The following MCM4 variants were observed in gnomAD, a reference collection of about 807,000 sequenced individuals.
MCM4 encodes the protein DNA replication licensing factor MCM4.
In MCM4, 60 loss-of-function variants were observed where a neutral mutation model predicts 88.7. The ratio of observed to expected loss-of-function variants is 0.68; its 90% confidence interval spans 0.55 to 0.84. The LOEUF is 0.84. Ranked by LOEUF, MCM4 falls within the 40% of genes least tolerant of loss-of-function variation. The pLI, the probability that MCM4 is intolerant of heterozygous loss-of-function variation, is 0.00. For synonymous variants in MCM4, 465 were observed against 410.5 expected, an observed-to-expected ratio of 1.13 and a Z score of -1.61; for missense variants, 1,149 against 1,105.5, an observed-to-expected ratio of 1.04 and a Z score of -0.56.
chr8:47,965,215 A>C (rs1285584103), intron 8 of MCM4, among the ~76,000 whole-genome samples: 2 of 140,650 alleles, frequency 1.4e-5, no homozygotes, highest in Non-Finnish European at 3.1e-5. Flanking sequence ...ACCCTGTCTC[A>C]AAAAAAAAAA....
rs891200556 is a variant in MCM4, at chr8:47,970,522, T to C, written c.1446T>C (p.Leu482=). The change falls in exon 12 of 17, where the codon CTT becomes CTC. Residue 482 remains leucine, a synonymous_variant. Coordinates refer to ENST00000649973, the MANE Select transcript of MCM4 (RefSeq NM_182746.3). ...EHEDIKKGIL[L]QLFGGTRKDF... is the part of the protein sequence containing the mutation. Reference sequence around the variant, plus strand: ...CTCTGATTATTTAGGGAATTTTGCTTCAGCTCTTTGGCGGGACAAGGAAGG... The same window carrying C: ...CTCTGATTATTTAGGGAATTTTGCTCCAGCTCTTTGGCGGGACAAGGAAGG... 6 of 1,598,022 alleles carry C rather than the reference T, an allele frequency of 3.8e-6. No individual in the cohort carries two copies. The African/African-American group carries it at 8.0e-5, about 21-fold the overall frequency.
At position 47,974,875 on chromosome 8, in the gene MCM4, G is replaced by A; in HGVS notation, c.2278G>A (p.Glu760Lys). ...CAAAGTTGAAGCCATTGATGTGGAA[G>A]AGGCCAAACGCCTCCATCGGGAAGC... ...SNKVEAIDVEEAKRLHREALK... is the reference protein window; with the variant it reads ...SNKVEAIDVEKAKRLHREALK... The change falls in exon 15 of 17, where the codon GAG (glutamate) becomes AAG (lysine). Residue 760 changes from glutamate to lysine, a missense_variant. This residue lies in a region of MCM4 where 238 missense variants were observed against 241.6 expected (regional missense o/e 0.99). Transcript: ENST00000649973. 6.2e-7 allele frequency: 1 copy of A among 1,614,242 alleles called. No homozygotes were observed. Among genetic ancestry groups the A allele is most frequent in the Non-Finnish European group, 8.5e-7 (1 of 1,180,044 alleles).
intron 16 of MCM4, among the ~76,000 whole-genome samples, chr8:47,976,292 C>CAA (rs554025887): frequency 7.4e-4 from 85 of 115,358 alleles, no homozygotes; most frequent in African/African-American, 1.1e-3. Flanking sequence ...AACTCCATCT[C>CAA]AAAAAAAAAA....
rs955451487 is a variant in MCM4, at chr8:47,964,772, C to G, written c.832+60C>G. On this transcript the variant is annotated intron_variant, in intron 8 of 16. Transcript: ENST00000649973. Reference sequence around the variant, plus strand: ...GGAAAATGCCTTACATGAAAATAGCCTTGTTTTCATTGAGAAATTATGAAA... The same window carrying G: ...GGAAAATGCCTTACATGAAAATAGCGTTGTTTTCATTGAGAAATTATGAAA... 38 of 1,376,542 alleles carry G rather than the reference C, an allele frequency of 2.8e-5. No homozygotes were observed. In the African/African-American group the frequency reaches 4.8e-4, roughly 17 times the overall value. 85.3% of individuals were successfully genotyped at this position (1,376,542 alleles called of 1,614,324 possible).
At chr8:47,968,149 T>C (rs1213080372) in intron 10 of MCM4, among the ~76,000 whole-genome samples, 2 of 152,094 alleles carry the variant, frequency 1.3e-5, no homozygotes, top group Non-Finnish European at 2.9e-5. Context: ...TGGATTTTGG[T>C]TGGGGGCAAG....
chr8:47,961,156 G>T lies in MCM4; in HGVS notation c.12G>T (p.Pro4=), dbSNP rs1293460399. Residue 4 remains proline (P), a synonymous_variant, in exon 2 of 17, where the codon CCG becomes CCT. Transcript: ENST00000649973. The part of the protein sequence containing the change: MSS[P]ASTPSRRGSR... ...GTACTCCGAGCACTATGTCGTCCCC[G>T]GCGTCGACCCCGAGCCGCCGCGGCA... 6.4e-7 allele frequency: 1 copy of T among 1,552,844 alleles called. No individual in the cohort carries two copies.
Position 47,962,777 on chromosome 8 carries a change from G to A in MCM4, c.515G>A (p.Arg172His), listed in dbSNP as rs369755637. 36 of 1,603,332 alleles carry A rather than the reference G, an allele frequency of 2.2e-5. 1 individual carries two copies. Among genetic ancestry groups the A allele is most frequent in the South Asian group, 1.0e-4 (9 of 88,342 alleles). Residue 172 changes from arginine to histidine, a missense_variant, in exon 6 of 17, where the codon CGT (arginine) becomes CAT (histidine). This residue lies in a region of MCM4 where 906 missense variants were observed against 843.0 expected (regional missense o/e 1.07). Coordinates refer to ENST00000649973, the MANE Select transcript of MCM4 (RefSeq NM_182746.3). ...CKENFQRFLQ[R>H]FIDPLAKEEE... is the part of the protein sequence containing the mutation. ...CTCCACTTAAAGAGATTTCTTCAGC[G>A]TTTTATTGACCCTCTGGCTAAAGAA...
At position 47,962,166 on chromosome 8, in the gene MCM4, G is replaced by A; in HGVS notation, c.349G>A (p.Asp117Asn). Reference sequence around the variant, plus strand: ...GGGCACACCTGTGAGACAGAGGCCTGACCTGGGCTCTGCACAGAAGGGCCT... The same window carrying A: ...GGGCACACCTGTGAGACAGAGGCCTAACCTGGGCTCTGCACAGAAGGGCCT... Reference protein sequence around the residue: ...VRGTPVRQRPDLGSAQKGLQV... With the variant: ...VRGTPVRQRPNLGSAQKGLQV... The change falls in exon 4 of 17, where the codon GAC becomes AAC. Residue 117 changes from aspartate to asparagine, a missense_variant. By Grantham distance (23) the Asp-to-Asn change is conservative (BLOSUM62 1). Around this residue, in one of 3 missense-constraint regions of MCM4, gnomAD observed 906 missense variants for 843.0 expected, o/e 1.07. Coordinates refer to ENST00000649973, the MANE Select transcript of MCM4 (RefSeq NM_182746.3). The A allele has an allele frequency of 3.7e-6, 6 of 1,614,218 alleles. No homozygotes were observed. Among genetic ancestry groups the A allele is most frequent in the Non-Finnish European group, 5.1e-6 (6 of 1,180,032 alleles).
At position 47,970,727 on chromosome 8, in the gene MCM4, C is replaced by T. The variant is rs992608219; in HGVS notation, c.1651C>T (p.Pro551Ser). 1 of 1,614,170 alleles carries T rather than the reference C, an allele frequency of 6.2e-7. No homozygotes were observed. Among genetic ancestry groups the T allele is most frequent in the Admixed American group, 1.7e-5 (1 of 60,018 alleles). The change falls in exon 12 of 17, where the codon CCT (proline) becomes TCT (serine). Residue 551 changes from proline to serine, a missense_variant. Physicochemically the swap from Pro to Ser is moderately conservative, Grantham distance 74 (BLOSUM62 -1). Around this residue, in one of 3 missense-constraint regions of MCM4, gnomAD observed 906 missense variants for 843.0 expected, o/e 1.07. Transcript: ENST00000649973. ...CCTCACTGCGTACGTAATGAAAGAC[C>T]CTGAGACAAGGCAGCTGGTCCTGCA... is the stretch of plus-strand genomic sequence containing the variant. The part of the protein sequence containing the change: ...VGLTAYVMKD[P>S]ETRQLVLQTG...
At chr8:47,974,622 A>G (rs2090985181) in intron 14 of MCM4, 112 bp from the exon 15 acceptor site, 2 of 803,870 alleles carry the variant, frequency 2.5e-6, no homozygotes, top group Non-Finnish European at 4.2e-6. Context: ...GCCCAGGACC[A>G]TATCTGAGTT....
chr8:47,966,108 G>A (rs906102856), intron 8 of MCM4, 79 bp from the exon 9 acceptor site: 1 of 1,198,926 alleles, frequency 8.3e-7, no homozygotes, highest in Admixed American at 1.7e-5. Context: ...TGGGCACCTA[G>A]CTCCTGTCTG....
At chr8:47,964,742 T>C in intron 8 of MCM4, 30 bp downstream of exon 8, 1 of 1,524,292 alleles carries the variant, frequency 6.6e-7, no homozygotes, top group East Asian at 2.3e-5. Flanking sequence ...ATTACTTTTG[T>C]TGAAGGAAAA....
At position 47,966,178 on chromosome 8, in the gene MCM4, C is replaced by T; in HGVS notation, c.833-9C>T. 6.2e-7 allele frequency: 1 copy of T among 1,611,562 alleles called. No individual in the cohort carries two copies. Among genetic ancestry groups the T allele is most frequent in the Non-Finnish European group, 8.5e-7 (1 of 1,177,992 alleles). ...GTCAGGTGTGCTGACCTCTCTTCTC[C>T]CCTCACAGACATTGACCAGCTCATC... On this transcript the variant is annotated splice_polypyrimidine_tract_variant and intron_variant, in intron 8 of 16. Coordinates refer to ENST00000649973, the MANE Select transcript of MCM4 (RefSeq NM_182746.3).
intron 14 of MCM4, among the ~76,000 whole-genome samples, chr8:47,973,496 T>C (rs2090974302): frequency 1.4e-5 from 2 of 146,772 alleles, no homozygotes; most frequent in Non-Finnish European, 3.0e-5. Flanking sequence ...AAACTTTTCT[T>C]TTTTTTTTTT....
chr8:47,975,755 T>C lies in MCM4; in HGVS notation c.2406T>C (p.Ala802=). The C allele has an allele frequency of 4.4e-6, 7 of 1,582,854 alleles. No homozygotes were observed. The highest frequency in any genetic ancestry group is 2.4e-5 in the South Asian group (2 of 83,470). The change falls in exon 16 of 17, where the codon GCT becomes GCC. Residue 802 remains alanine (A), a synonymous_variant. Coordinates refer to ENST00000649973, the MANE Select transcript of MCM4 (RefSeq NM_182746.3). ...ATSRKRKEEL[A]EALKKLILSK... ...CTCGTAAACGGAAAGAAGAATTAGCTGAAGCATTGAAAAAGCTTATTTTAT... is the reference window on the plus strand; with the variant it reads ...CTCGTAAACGGAAAGAAGAATTAGCCGAAGCATTGAAAAAGCTTATTTTAT...
Position 47,962,945 on chromosome 8 carries a change from A to T in MCM4, c.598A>T (p.Ile200Phe). The T allele has an allele frequency of 6.3e-7, 1 of 1,590,576 alleles. No homozygotes were observed. Among genetic ancestry groups the T allele is most frequent in the Non-Finnish European group, 8.5e-7 (1 of 1,169,772 alleles). The change falls in exon 7 of 17, where the codon ATT becomes TTT. Residue 200 changes from isoleucine (I) to phenylalanine (F), a missense_variant and splice_region_variant. This residue lies in a region of MCM4 where 906 missense variants were observed against 843.0 expected (regional missense o/e 1.07). Transcript: ENST00000649973. ...TAACTTGTTCATTTTTATTTTCTAGATTAATGTTATTGGTGAGCCATTTTT... is the reference window on the plus strand; with the variant it reads ...TAACTTGTTCATTTTTATTTTCTAGTTTAATGTTATTGGTGAGCCATTTTT... ...EPLYMQRLGE[I>F]NVIGEPFLNV... is the part of the protein sequence containing the mutation.
At position 47,971,399 on chromosome 8, in the gene MCM4, T is replaced by C. The variant is rs954328605; in HGVS notation, c.1859T>C (p.Ile620Thr). ...TCTGTCCTGGCAGCAGCAAATCCCA[T>C]TGAGTCTCAGTGGAATCCTAAAAAA... ...RTSVLAAANP[I>T]ESQWNPKKTT... The change falls in exon 13 of 17, where the codon ATT becomes ACT. Residue 620 changes from isoleucine (I) to threonine (T), a missense_variant. Physicochemically the swap from Ile to Thr is moderately conservative, Grantham distance 89. Around this residue, in one of 3 missense-constraint regions of MCM4, gnomAD observed 906 missense variants for 843.0 expected, o/e 1.07. Transcript: ENST00000649973. The C allele has an allele frequency of 1.9e-6, 3 of 1,613,872 alleles. No homozygotes were observed. Among genetic ancestry groups the C allele is most frequent in the East Asian group, 2.2e-5 (1 of 44,890 alleles).
intron 10 of MCM4, among the ~76,000 whole-genome samples, chr8:47,968,351 A>G (rs1172446198): frequency 1.3e-5 from 2 of 152,192 alleles, no homozygotes; most frequent in African/African-American, 4.8e-5. Flanking sequence ...TTCCGTCGTA[A>G]AAGTACTTGA....
chr8:47,967,705 T>C (rs565513469), intron 10 of MCM4, among the ~76,000 whole-genome samples: 8 of 152,310 alleles, frequency 5.3e-5, no homozygotes, highest in African/African-American at 1.9e-4. Context: ...CAAACTTGAA[T>C]GTTGGAGCTC....
Sources: allele counts gnomAD v4.1 joint callset (sites outside exome capture counted in the v4.1 genomes callset), GRCh38; gene constraint gnomAD v4.1.1; regional missense constraint gnomAD v4.1.1; transcripts MANE v1.5; gene names NCBI Gene and HGNC (gene_info 2026-07-23, HGNC 2026-07-21).